PICALM: variants seen among roughly 807,000 people sequenced by gnomAD.
PICALM encodes the protein phosphatidylinositol-binding clathrin assembly protein.
PICALM carries 40 observed loss-of-function variants against 80.5 expected under a neutral mutation model. That is an observed-to-expected ratio of 0.50 (90% confidence interval 0.39 to 0.65). The LOEUF is 0.65. Ranked by LOEUF, PICALM falls within the 30% of genes least tolerant of loss-of-function variation. PICALM has a pLI of 0.00. For missense variants in PICALM, 676 were observed against 778.9 expected (o/e 0.87, Z 1.57); for synonymous variants, 288 against 260.3 (o/e 1.11, Z -1.02).
At chr11:86,023,060 A>G (rs1268609919) in intron 3 of PICALM, among the ~76,000 whole-genome samples, 3 of 152,190 alleles carry the variant, frequency 2.0e-5, no homozygotes, top group Non-Finnish European at 2.9e-5. Context: ...ATTTTGTTTC[A>G]TCATGACCTT....
At chr11:85,961,633 G>T (rs1333678513) in intron 19 of PICALM, among the ~76,000 whole-genome samples, 1 of 152,192 alleles carries the variant, frequency 6.6e-6, no homozygotes, top group Non-Finnish European at 1.5e-5. Context: ...AACCCGACAT[G>T]AACCTTTTTA....
chr11:86,018,975 C>T (rs2095524201), intron 4 of PICALM, among the ~76,000 whole-genome samples: 2 of 151,864 alleles, frequency 1.3e-5, no homozygotes, highest in African/African-American at 4.8e-5. Context: ...GAAAAGCAGC[C>T]TTCAAAGAAT....
intron 1 of PICALM, among the ~76,000 whole-genome samples, chr11:86,048,264 C>T (rs1419729923): frequency 1.3e-5 from 2 of 152,134 alleles, no homozygotes; most frequent in African/African-American, 4.8e-5. Context: ...AAGTTAGTAC[C>T]TATGGCTGTT....
At position 86,056,134 on chromosome 11, in the gene PICALM, T is replaced by TAAAAAAAAAAAAAAAAAAAAAAAAAA. The variant is rs376759395; in HGVS notation, c.130+12516_130+12517insTTTTTTTTTTTTTTTTTTTTTTTTTT. ...TGGGTGACAGAACAAGACTCTGTCT[T>TAAAAAAAAAAAAAAAAAAAAAAAAAA]TAAAAAAAAAAAAAAAGAAAAAACC... On this transcript the variant is annotated intron_variant, in intron 1 of 19. Coordinates refer to ENST00000393346, the MANE Select transcript of PICALM (RefSeq NM_007166.4). Among the ~76,000 whole-genome samples the TAAAAAAAAAAAAAAAAAAAAAAAAAA allele has an allele frequency of 1.4e-4, 11 of 76,846 alleles. 4 individuals carry two copies. The highest frequency in any genetic ancestry group is 1.8e-4 in the Non-Finnish European group (7 of 38,088). The allele number at this position is 76,846 out of a possible 152,430, so 50.4% of individuals were successfully genotyped here.
intron 7 of PICALM, among the ~76,000 whole-genome samples, chr11:86,010,330 T>A (rs1592872871): frequency 1.0e-5 from 1 of 98,060 alleles, no homozygotes; most frequent in African/African-American, 3.1e-5. Context: ...GAACAAAAGC[T>A]TTTTTTTTTT....
At chr11:86,024,821 T>C (rs1353151569) in intron 3 of PICALM, among the ~76,000 whole-genome samples, 1 of 152,236 alleles carries the variant, frequency 6.6e-6, no homozygotes, top group Non-Finnish European at 1.5e-5. Flanking sequence ...TCTGTGTATC[T>C]GTCCTTACTT....
At chr11:86,065,889 T>G (rs530467718) in intron 1 of PICALM, among the ~76,000 whole-genome samples, 2 of 152,264 alleles carry the variant, frequency 1.3e-5, no homozygotes, top group Middle Eastern at 3.4e-3. Context: ...GGCGAGAAAC[T>G]GACAGAAACC....
At chr11:86,037,037 C>T (rs1230698524) in intron 1 of PICALM, among the ~76,000 whole-genome samples, 1 of 151,730 alleles carries the variant, frequency 6.6e-6, no homozygotes, top group Non-Finnish European at 1.5e-5. Context: ...CCTCCGCCTC[C>T]CAGGTTCAAG....
At chr11:86,040,885 T>C (rs184107181) in intron 1 of PICALM, among the ~76,000 whole-genome samples, 2 of 152,274 alleles carry the variant, frequency 1.3e-5, no homozygotes, top group East Asian at 3.9e-4. Context: ...GCTGAGAAGA[T>C]GCAAAATTTC....
At chr11:86,007,828 G>C (rs1025773519) in intron 7 of PICALM, among the ~76,000 whole-genome samples, 6 of 151,928 alleles carry the variant, frequency 3.9e-5, no homozygotes, top group Non-Finnish European at 8.8e-5. Context: ...TACCATCCCT[G>C]TCTTCTGAAC....
chr11:86,048,543 A>T (rs191118220), intron 1 of PICALM, among the ~76,000 whole-genome samples: 68 of 152,284 alleles, frequency 4.5e-4, no homozygotes, highest in Non-Finnish European at 8.2e-4. Flanking sequence ...TGTTAATAAA[A>T]GAAAAATAGG....
intron 19 of PICALM, among the ~76,000 whole-genome samples, chr11:85,962,594 T>C (rs2093726493): frequency 6.6e-6 from 1 of 152,196 alleles, no homozygotes; most frequent in African/African-American, 2.4e-5. Flanking sequence ...TTATAAACAA[T>C]GTTGAAAAGG....
chr11:85,965,253 C>T (rs1440804826), intron 19 of PICALM, among the ~76,000 whole-genome samples: 2 of 152,160 alleles, frequency 1.3e-5, no homozygotes, highest in Non-Finnish European at 2.9e-5. Flanking sequence ...CTTGCCAAAT[C>T]CCAGTACGCT....
chr11:85,964,394 G>A (rs1300563254), intron 19 of PICALM, among the ~76,000 whole-genome samples: 35 of 152,140 alleles, frequency 2.3e-4, no homozygotes, highest in Admixed American at 2.3e-3. Flanking sequence ...CCCTTTGCCT[G>A]GAATGACAGT....
chr11:85,990,008 CAAAAAAAA>C (rs5793177), intron 13 of PICALM, among the ~76,000 whole-genome samples: 2 of 89,334 alleles, frequency 2.2e-5, no homozygotes, highest in Admixed American at 1.3e-4. Flanking sequence ...AACCAAACAC[CAAAAAAAA>C]AAAAAAAAAA....
chr11:85,971,136 T>C lies in PICALM; in HGVS notation c.1944+3572A>G, dbSNP rs368228146. Among the ~76,000 whole-genome samples the C allele has an allele frequency of 6.6e-5, 10 of 152,352 alleles. No homozygotes were observed. The East Asian group carries it at 1.7e-3, about 26-fold the overall frequency. ...GACTTTCAAATGATTCAAATGACTA[T>C]GTAGAGAGACCAAAGCTTCTTCAAG... is the stretch of plus-strand genomic sequence containing the variant. On this transcript the variant is annotated intron_variant, in intron 19 of 19. Transcript: ENST00000393346.
In PICALM at chr11:85,957,719, C is replaced by T. The variant is rs2093569986; in HGVS notation, c.*1327G>A. 1 of 206,150 alleles carries T rather than the reference C, an allele frequency of 4.9e-6. No homozygotes were observed. The highest frequency in any genetic ancestry group is 1.9e-4 in the South Asian group (1 of 5,262). 12.8% of individuals were successfully genotyped at this position (206,150 alleles called of 1,614,324 possible). ...GCTGCATTTTATTTGAAAATCCACC[C>T]ATTTTGCTAACATACATTTTAATAT... On this transcript the variant is annotated 3_prime_UTR_variant, in exon 20 of 20. Transcript: ENST00000393346.
rs781155068 is a variant in PICALM at position 86,068,619 on chromosome 11, GGGGAGC to G, written c.130+26_130+31del. 1.9e-6 allele frequency: 3 copies of G among 1,593,096 alleles called. No homozygotes were observed. The East Asian group carries it at 6.8e-5, about 36-fold the overall frequency. The stretch of plus-strand genomic sequence containing the variant: ...GACGCGCGCGGGTCGCGCGGGCGCC[GGGGAGC>G]GGGGGCCGCGGTCGGCTTCACTCAC... On this transcript the variant is annotated intron_variant, in intron 1 of 19. Transcript: ENST00000393346.
chr11:86,011,274 T>G, intron 6 of PICALM, 138 bp from the exon 7 acceptor site: 1 of 552,336 alleles, frequency 1.8e-6, no homozygotes, highest in East Asian at 3.1e-5. Flanking sequence ...CAGTGTTAAG[T>G]TAGCTTAGGT....
Sources: allele counts gnomAD v4.1 joint callset (sites outside exome capture counted in the v4.1 genomes callset), GRCh38; gene constraint gnomAD v4.1.1; transcripts MANE v1.5; gene names NCBI Gene and HGNC (gene_info 2026-07-23, HGNC 2026-07-21).